EXT2: variants seen among roughly 807,000 people sequenced by gnomAD.
The protein encoded by EXT2 is exostosin-2.
A neutral mutation model predicts 81.6 loss-of-function variants in EXT2; 53 were observed. The ratio of observed to expected loss-of-function variants is 0.65; its 90% CI spans 0.52 to 0.82. The LOEUF (loss-of-function observed/expected upper bound fraction) is 0.82. EXT2 is among the 40% of genes least tolerant of loss of function. EXT2 has a pLI of 0.00. For missense variants in EXT2, 774 were observed against 910.2 expected (o/e 0.85, Z 1.93); for synonymous variants, 320 against 340.0 (o/e 0.94, Z 0.65).
chr11:44,110,645 C>T (rs1320836918), intron 3 of EXT2, among the ~76,000 whole-genome samples: 2 of 152,098 alleles, frequency 1.3e-5, no homozygotes, highest in Non-Finnish European at 1.5e-5. Context: ...TGGGTCATTT[C>T]ACTTTTTGCT....
At chr11:44,167,171 A>G (rs993080331) in intron 7 of EXT2, among the ~76,000 whole-genome samples, 6 of 152,204 alleles carry the variant, frequency 3.9e-5, no homozygotes, top group African/African-American at 1.4e-4. Flanking sequence ...GGCCTATTAA[A>G]GTATTTGGGA....
chr11:44,216,465 C>A (rs1004501677), intron 10 of EXT2, among the ~76,000 whole-genome samples: 1 of 152,072 alleles, frequency 6.6e-6, no homozygotes, highest in Non-Finnish European at 1.5e-5. Context: ...TAGCCAACAG[C>A]ATGTTGAAAT....
intron 10 of EXT2, among the ~76,000 whole-genome samples, chr11:44,216,479 A>G (rs1288606462): frequency 6.6e-6 from 1 of 152,234 alleles, no homozygotes; most frequent in East Asian, 1.9e-4. Context: ...TTGAAATTGA[A>G]GAAAGAAAAC....
chr11:44,098,487 G>A (rs1425569676), intron 1 of EXT2, among the ~76,000 whole-genome samples: 1 of 152,046 alleles, frequency 6.6e-6, no homozygotes. Context: ...GAGGTCAGGA[G>A]TTCAAGACGA....
rs1956082268 is a variant in EXT2, at chr11:44,245,151, G to T, written c.*864G>T. 8.7e-6 allele frequency: 2 copies of T among 229,764 alleles called. No individual in the cohort carries two copies. Among genetic ancestry groups the T allele is most frequent in the African/African-American group, 4.4e-5 (2 of 45,102 alleles). 14.2% of individuals were successfully genotyped at this position (229,764 alleles called of 1,614,324 possible). On this transcript the variant is annotated 3_prime_UTR_variant, in exon 14 of 14. Coordinates refer to ENST00000533608, the MANE Select transcript of EXT2 (RefSeq NM_207122.2). The stretch of plus-strand genomic sequence containing the variant: ...CAGAAACCTCCAGAGGAATCTGTTT[G>T]CTTCCTGATTAGATCCAGTCAATGT...
intron 1 of EXT2, chr11:44,096,385 G>C: frequency 4.1e-6 from 6 of 1,474,088 alleles, no homozygotes; most frequent in Non-Finnish European, 4.6e-6. Context: ...GTTAGGCCGG[G>C]GACTGGGTGA....
In EXT2 at chr11:44,124,857, C is replaced by T. The variant is rs766866526; in HGVS notation, c.812C>T (p.Ala271Val). The T allele has an allele frequency of 6.2e-7, 1 of 1,614,064 alleles. No individual in the cohort carries two copies. The highest frequency in any genetic ancestry group is 1.6e-4 in the Middle Eastern group (1 of 6,062). Residue 271 changes from alanine (A) to valine (V), a missense_variant, in exon 5 of 14, where the codon GCC becomes GTC. Ala to Val is a moderately conservative substitution (Grantham distance 64, BLOSUM62 0). Transcript: ENST00000533608. ...CCTGAGTACAGAGAGGACCTAGAAGCCCTCCAGGTCAAACATGGAGAGTCA... is the reference window on the plus strand; with the variant it reads ...CCTGAGTACAGAGAGGACCTAGAAGTCCTCCAGGTCAAACATGGAGAGTCA... ...LHPEYREDLE[A>V]LQVKHGESVL...
chr11:44,247,243 C>CTTT lies in EXT2; in HGVS notation c.*2974_*2976dup, dbSNP rs11421737. On this transcript the variant is annotated 3_prime_UTR_variant, in exon 14 of 14. Coordinates refer to ENST00000533608, the MANE Select transcript of EXT2 (RefSeq NM_207122.2). ...CCTGCCAGTGATGCTCTGCTGTATC[C>CTTT]TTTTTTTTTTTTTTTTTTTTGAGAC... Among the ~76,000 whole-genome samples, 398 of 115,140 alleles carry CTTT rather than the reference C, an allele frequency of 3.5e-3. 11 individuals are homozygous for CTTT. The highest frequency in any genetic ancestry group is 5.1e-3 in the Non-Finnish European group (297 of 57,674). 75.5% of individuals were successfully genotyped at this position (115,140 alleles called of 152,430 possible). A position where few individuals can be genotyped will look rare whatever the true frequency, so the allele number is the denominator to read the frequency against.
chr11:44,125,016 TC>T, intron 5 of EXT2, 32 bp downstream of exon 5: 2 of 1,606,144 alleles, frequency 1.2e-6, no homozygotes, highest in Non-Finnish European at 1.7e-6. Flanking sequence ...TCGCAAAGGC[TC>T]AGGAGAGTTT....
At chr11:44,125,006 T>C in intron 5 of EXT2, 22 bp downstream of exon 5, 1 of 1,609,646 alleles carries the variant, frequency 6.2e-7, no homozygotes, top group South Asian at 1.1e-5. Flanking sequence ...TCATTACCTC[T>C]CGCAAAGGCT....
At chr11:44,099,182 T>G (rs1409534501) in intron 1 of EXT2, among the ~76,000 whole-genome samples, 8 of 151,870 alleles carry the variant, frequency 5.3e-5, no homozygotes, top group Non-Finnish European at 1.0e-4. Context: ...TTGGGTTTTT[T>G]TTTGTTTGTT....
chr11:44,213,155 C>G (rs1292643592), intron 10 of EXT2, among the ~76,000 whole-genome samples: 1 of 151,856 alleles, frequency 6.6e-6, no homozygotes, highest in African/African-American at 2.4e-5. Context: ...AGTCTAAAAG[C>G]AGTGACCAAA....
intron 13 of EXT2, among the ~76,000 whole-genome samples, chr11:44,237,954 T>C (rs1357964282): frequency 7.2e-6 from 1 of 138,706 alleles, no homozygotes; most frequent in African/African-American, 2.8e-5. Flanking sequence ...CTGGGTGTGG[T>C]GGCGCATGCC....
intron 10 of EXT2, among the ~76,000 whole-genome samples, chr11:44,218,730 G>T (rs1160717590): frequency 6.7e-6 from 1 of 149,324 alleles, no homozygotes; most frequent in Non-Finnish European, 1.5e-5. Context: ...AACAGAATTA[G>T]TAAAACTTAT....
In EXT2 at chr11:44,232,496, G is replaced by A; in HGVS notation, c.1806G>A (p.Lys602=). 1 of 1,613,864 alleles carries A rather than the reference G, an allele frequency of 6.2e-7. No homozygotes were observed. Among genetic ancestry groups the A allele is most frequent in the Non-Finnish European group, 8.5e-7 (1 of 1,179,878 alleles). The part of the protein sequence containing the change: ...MVLTGAAFYH[K]YFNYLYTYKM... ...TCACTGGGGCAGCTTTTTATCACAA[G>A]GTAAGGGGGCGCAGTCCTGGCAAGG... The change falls in exon 11 of 14, where the codon AAG becomes AAA. Residue 602 remains lysine, a splice_region_variant and synonymous_variant. Coordinates refer to ENST00000533608, the MANE Select transcript of EXT2 (RefSeq NM_207122.2).
chr11:44,151,198 G>T (rs1954787362), intron 7 of EXT2, among the ~76,000 whole-genome samples: 1 of 151,766 alleles, frequency 6.6e-6, no homozygotes. Flanking sequence ...GAACACCATA[G>T]TGGTACATTT....
intron 7 of EXT2, among the ~76,000 whole-genome samples, chr11:44,148,992 C>T (rs1294625778): frequency 6.6e-6 from 1 of 152,146 alleles, no homozygotes; most frequent in Admixed American, 6.5e-5. Flanking sequence ...GCTTGTCCTG[C>T]CTTTTTGTAA....
intron 8 of EXT2, among the ~76,000 whole-genome samples, chr11:44,178,837 T>C (rs2135144244): frequency 6.6e-6 from 1 of 152,356 alleles, no homozygotes; most frequent in Admixed American, 6.5e-5. Context: ...AAATTTTAGC[T>C]TGAATTTAAG....
At chr11:44,194,726 A>C (rs1325969796) in intron 8 of EXT2, among the ~76,000 whole-genome samples, 1 of 152,230 alleles carries the variant, frequency 6.6e-6, no homozygotes, top group East Asian at 1.9e-4. Flanking sequence ...TTTTGCACTT[A>C]GTAAGTACTC....
Sources: allele counts gnomAD v4.1 joint callset (sites outside exome capture counted in the v4.1 genomes callset), GRCh38; gene constraint gnomAD v4.1.1; transcripts MANE v1.5; gene names NCBI Gene and HGNC (gene_info 2026-07-23, HGNC 2026-07-21).